The following TAF1 variants were observed in gnomAD, a reference collection of about 807,000 sequenced individuals.
TAF1 encodes TATA-box binding protein associated factor 1, also known as transcription initiation factor TFIID subunit 1.
A neutral mutation model predicts 138.5 loss-of-function variants in TAF1; 2 were observed. The observed-to-expected ratio is 0.01, with a 90% CI of 0.01 to 0.05. The LOEUF (loss-of-function observed/expected upper bound fraction) is 0.05, where lower values mean the gene tolerates loss of function less well. TAF1 is among the 10% of genes least tolerant of loss of function. The pLI, the probability that TAF1 is intolerant of heterozygous loss-of-function variation, is 1.00. For missense variants in TAF1, 709 were observed against 1,478.0 expected, an observed-to-expected ratio of 0.48 and a Z score of 8.53; for synonymous variants, 437 against 503.2, an observed-to-expected ratio of 0.87 and a Z score of 1.76.
At chrX:71,438,429 C>G (rs903595627) in intron 32 of TAF1, among the ~76,000 whole-genome samples, 23 of 111,562 alleles carry the variant, frequency 2.1e-4, no homozygotes, top group Non-Finnish European at 3.0e-4. Flanking sequence ...AAGGTTCATC[C>G]ATGTTGTAGC....
chrX:71,447,378 C>T (rs1169553152), intron 32 of TAF1, among the ~76,000 whole-genome samples: 1 of 110,952 alleles, frequency 9.0e-6, no homozygotes, highest in Non-Finnish European at 1.9e-5. Context: ...GCCAACTTGA[C>T]TGGTGTTTTT....
chrX:71,508,086 C>CTCTCTCTATATATA (rs4040068), intron 13 of TAF1, among the ~76,000 whole-genome samples: 64 of 92,181 alleles, frequency 6.9e-4, no homozygotes, highest in African/African-American at 2.4e-3. Flanking sequence ...CTCTCTCTCT[C>CTCTCTCTATATATA]TATATATATA....
At chrX:71,393,828 C>T (rs1002290623) in intron 21 of TAF1, among the ~76,000 whole-genome samples, 2 of 111,706 alleles carry the variant, frequency 1.8e-5, no homozygotes, top group African/African-American at 6.5e-5. Flanking sequence ...TTAAAAATGA[C>T]CAGTGTGCTG....
chrX:71,409,525 G>A (rs988472671), intron 28 of TAF1, among the ~76,000 whole-genome samples: 3 of 112,031 alleles, frequency 2.7e-5, no homozygotes, highest in African/African-American at 6.5e-5. Context: ...CAGATTCACA[G>A]ATATAAATGT....
At chrX:71,397,011 C>T (rs377511841) in intron 22 of TAF1, among the ~76,000 whole-genome samples, 1 of 80,916 alleles carries the variant, frequency 1.2e-5, no homozygotes, top group African/African-American at 5.2e-5. Flanking sequence ...GGCAACAGAG[C>T]GAGAGAGATC....
chrX:71,397,727 C>T lies in TAF1; in HGVS notation c.3620+261C>T, dbSNP rs1481604490. On this transcript the variant is annotated intron_variant, in intron 23 of 37. Transcript: ENST00000423759. ...TGAACTCCTGGGCTCTAGCAATCTG[C>T]GTGCCTCAGCCTCCCAAAGTGCTGG... 3.6e-5 allele frequency among the ~76,000 whole-genome samples: 4 copies of T among 111,186 alleles called. No individual in the cohort carries two copies. In the South Asian group the frequency reaches 1.2e-3, roughly 32 times the overall value.
At position 71,463,937 on chromosome X, in the gene TAF1, A is replaced by G. The variant is rs772126195; in HGVS notation, c.5513A>G (p.Gln1838Arg). The G allele has an allele frequency of 8.3e-7, 1 of 1,207,398 alleles. No homozygotes were observed. The highest frequency in any genetic ancestry group is 3.0e-5 in the East Asian group (1 of 33,751). Residue 1838 changes from glutamine to arginine, a missense_variant, in exon 38 of 38, where the codon CAG becomes CGG. By Grantham distance (43) the Gln-to-Arg change is conservative. Around this residue, in one of 14 missense-constraint regions of TAF1, gnomAD observed 123 missense variants for 174.7 expected, o/e 0.70. Transcript: ENST00000423759. ...EEEEDEEEEE[Q>R]RSGPSVLSQV... is the part of the protein sequence containing the mutation. ...GAAGAAGATGAGGAGGAGGAAGAGC[A>G]GCGCTCTGGGCCGAGCGTACTAAGC...
intron 34 of TAF1, among the ~76,000 whole-genome samples, chrX:71,456,682 T>A (rs1454766464): frequency 2.0e-5 from 1 of 49,808 alleles, no homozygotes; most frequent in Non-Finnish European, 3.9e-5. Flanking sequence ...TTTTTTTTTT[T>A]TTTTTTTTTT....
chrX:71,373,155 T>C (rs2033209305), intron 3 of TAF1, among the ~76,000 whole-genome samples: 1 of 103,066 alleles, frequency 9.7e-6, no homozygotes, highest in Non-Finnish European at 2.0e-5. Context: ...CGTGAGCCTC[T>C]GTGCCTGGCC....
intron 32 of TAF1, among the ~76,000 whole-genome samples, chrX:71,444,346 T>C (rs546449070): frequency 9.0e-6 from 1 of 111,712 alleles, no homozygotes; most frequent in South Asian, 3.7e-4. Flanking sequence ...TTATGTATTC[T>C]AGGTATAAGA....
intron 21 of TAF1, 117 bp downstream of exon 21, chrX:71,393,593 C>T: frequency 1.1e-6 from 1 of 946,059 alleles, no homozygotes; most frequent in Non-Finnish European, 1.4e-6. Context: ...AGTCAGATAT[C>T]TGACATGTCA....
At chrX:71,478,605 A>G (rs943299182) in intron 13 of TAF1, among the ~76,000 whole-genome samples, 2 of 111,863 alleles carry the variant, frequency 1.8e-5, no homozygotes, top group Non-Finnish European at 3.8e-5. Flanking sequence ...TCAGCATCCC[A>G]GAACTTTGAC....
intron 28 of TAF1, among the ~76,000 whole-genome samples, chrX:71,419,776 G>C (rs1315665018): frequency 9.0e-6 from 1 of 111,041 alleles, no homozygotes; most frequent in Non-Finnish European, 1.9e-5. Context: ...CAGCCCCCAG[G>C]GGGGTGAAAT....
intron 13 of TAF1, among the ~76,000 whole-genome samples, chrX:71,508,223 ATACAAGG>A (rs1245122309): frequency 2.8e-5 from 3 of 108,014 alleles, no homozygotes; most frequent in Non-Finnish European, 5.7e-5. Flanking sequence ...ATAGATGTAT[ATACAAGG>A]TATTATGGAA....
chrX:71,474,405 G>A (rs776301498), intron 13 of TAF1, among the ~76,000 whole-genome samples: 69 of 111,842 alleles, frequency 6.2e-4, no homozygotes, highest in Non-Finnish European at 1.2e-3. Context: ...AAGGTGAGAG[G>A]TGATGAGTGC....
At chrX:71,369,772 ATT>A (rs749487385) in intron 3 of TAF1, among the ~76,000 whole-genome samples, 2 of 98,646 alleles carry the variant, frequency 2.0e-5, no homozygotes. Context: ...CGCCTGGCTA[ATT>A]TTTTTTTTTT....
At chrX:71,518,225 G>A (rs1014664704) in intron 13 of TAF1, among the ~76,000 whole-genome samples, 5 of 111,845 alleles carry the variant, frequency 4.5e-5, no homozygotes, top group South Asian at 3.7e-4. Flanking sequence ...GCTGGAGTGC[G>A]GTGGCATGAA....
chrX:71,471,315 G>A (rs1253151135), intron 13 of TAF1, among the ~76,000 whole-genome samples: 48 of 89,711 alleles, frequency 5.4e-4, no homozygotes, highest in African/African-American at 2.2e-3. Context: ...GCGAGACTCC[G>A]TCTAAAAAAA....
chrX:71,508,086 C>CTCTCTCTCTCTCTCTCTCTATATATATA (rs4040068), intron 13 of TAF1, among the ~76,000 whole-genome samples: 1 of 92,197 alleles, frequency 1.1e-5, no homozygotes, highest in Non-Finnish European at 2.1e-5. Context: ...CTCTCTCTCT[C>CTCTCTCTCTCTCTCTCTCTATATATATA]TATATATATA....
Sources: allele counts gnomAD v4.1 joint callset (sites outside exome capture counted in the v4.1 genomes callset), GRCh38; gene constraint gnomAD v4.1.1; regional missense constraint gnomAD v4.1.1; transcripts MANE v1.5; gene names NCBI Gene and HGNC (gene_info 2026-07-23, HGNC 2026-07-21).